The following ZNF660 variants were observed in gnomAD, a reference collection of about 807,000 sequenced individuals.
ZNF660 encodes the protein zinc finger protein 660.
A neutral mutation model predicts 23.2 loss-of-function variants in ZNF660; 24 were observed. That is an observed-to-expected ratio of 1.04 (90% confidence interval 0.75 to 1.46). The LOEUF (loss-of-function observed/expected upper bound fraction) is 1.46. Among genes scored for constraint, ZNF660 ranks in the 40% most tolerant of loss-of-function variants. ZNF660 has a pLI of 0.00. For missense variants in ZNF660, 373 were observed against 396.8 expected (o/e 0.94, Z 0.51); for synonymous variants, 117 against 131.4 (o/e 0.89, Z 0.75).
chr3:44,598,718 C>G lies in ZNF660; in HGVS notation c.*3529C>G, dbSNP rs1312835509. On this transcript the variant is annotated 3_prime_UTR_variant, in exon 3 of 3. Transcript: ENST00000322734. ...AATGTGTTTTCTTCACATTCTTGTT[C>G]CAATGGAAACCGGGCTGTTCCCCAA... The G allele has an allele frequency of 2.0e-5, 3 of 152,166 alleles. No individual in the cohort carries two copies. Among genetic ancestry groups the G allele is most frequent in the Non-Finnish European group, 2.9e-5 (2 of 68,064 alleles). The allele number at this position is 152,166 out of a possible 1,614,324, so 9.4% of individuals were successfully genotyped here.
intron 2 of ZNF660, among the ~76,000 whole-genome samples, chr3:44,589,104 C>T (rs923812832): frequency 3.9e-5 from 6 of 152,148 alleles, no homozygotes; most frequent in African/African-American, 9.7e-5. Context: ...ATTCAACAAA[C>T]GTTTATTGGG....
intron 2 of ZNF660, among the ~76,000 whole-genome samples, chr3:44,593,689 CA>C (rs397874775): frequency 0.011 from 987 of 92,592 alleles, 2 homozygotes; most frequent in African/African-American, 0.02. Context: ...CACTCCATCT[CA>C]AAAAAAAAAA....
Position 44,598,437 on chromosome 3 carries a change from T to C in ZNF660, c.*3248T>C, listed in dbSNP as rs12715402. The C allele has an allele frequency of 0.3, 45,156 of 152,012 alleles. 7,266 individuals are homozygous for C. Among genetic ancestry groups the C allele is most frequent in the African/African-American group, 0.35 (14,408 of 41,414 alleles). 9.4% of individuals were successfully genotyped at this position (152,012 alleles called of 1,614,324 possible). On this transcript the variant is annotated 3_prime_UTR_variant, in exon 3 of 3. Transcript: ENST00000322734. ...TGCTGGGATTATAGGCATGAGCCACTGCACCTGGCTTTATTTATATGTGTA... is the reference window on the plus strand; with the variant it reads ...TGCTGGGATTATAGGCATGAGCCACCGCACCTGGCTTTATTTATATGTGTA...
chr3:44,588,637 G>A (rs1001053902), intron 2 of ZNF660, among the ~76,000 whole-genome samples: 5 of 151,922 alleles, frequency 3.3e-5, no homozygotes, highest in African/African-American at 1.2e-4. Flanking sequence ...GGGACCACAG[G>A]CATATGCCAC....
At chr3:44,588,724 C>A (rs1389008426) in intron 2 of ZNF660, among the ~76,000 whole-genome samples, 1 of 152,114 alleles carries the variant, frequency 6.6e-6, no homozygotes, top group Non-Finnish European at 1.5e-5. Context: ...TCCCACCTCA[C>A]CCTACCAAAG....
chr3:44,592,798 A>G (rs1700473138), intron 2 of ZNF660, among the ~76,000 whole-genome samples: 1 of 152,202 alleles, frequency 6.6e-6, no homozygotes. Context: ...TAACGCCTGT[A>G]ATCCTAGCAC....
chr3:44,594,087 C>A lies in ZNF660; in HGVS notation c.-107C>A. On this transcript the variant is annotated 5_prime_UTR_variant, in exon 3 of 3. Coordinates refer to ENST00000322734, the MANE Select transcript of ZNF660 (RefSeq NM_173658.4). ...GAAAAATCAGAATCATACATACTTT[C>A]AAGAGAATTCCACAGAGACATTGCC... 7.3e-7 allele frequency: 1 copy of A among 1,361,070 alleles called. No homozygotes were observed. Among genetic ancestry groups the A allele is most frequent in the Non-Finnish European group, 1.0e-6 (1 of 960,996 alleles). The allele number at this position is 1,361,070 out of a possible 1,614,324, so 84.3% of individuals were successfully genotyped here. A position where few individuals can be genotyped will look rare whatever the true frequency, so the allele number is the denominator to read the frequency against.
In ZNF660 at chr3:44,599,590, C is replaced by T. The variant is rs1700731749; in HGVS notation, c.*4401C>T. On this transcript the variant is annotated 3_prime_UTR_variant, in exon 3 of 3. Transcript: ENST00000322734. Reference sequence around the variant, plus strand: ...CCATATTGTCAGTTGTTTTTAGTCGCCAGACTGTCTTTAATAGCCTCTGAT... The same window carrying T: ...CCATATTGTCAGTTGTTTTTAGTCGTCAGACTGTCTTTAATAGCCTCTGAT... The T allele has an allele frequency of 6.6e-6, 1 of 152,104 alleles. No individual in the cohort carries two copies. The highest frequency in any genetic ancestry group is 6.5e-5 in the Admixed American group (1 of 15,272). 9.4% of individuals were successfully genotyped at this position (152,104 alleles called of 1,614,324 possible). A position where few individuals can be genotyped will look rare whatever the true frequency, so the allele number is the denominator to read the frequency against.
In ZNF660 at chr3:44,594,169, A is replaced by G; in HGVS notation, c.-25A>G. ...AGGGAAAGAGAAGACTAGAGAGGAC[A>G]CTGGTATGTTCCAAGCAGGAGAAAA... On this transcript the variant is annotated 5_prime_UTR_variant, in exon 3 of 3. Transcript: ENST00000322734. 1 of 1,612,324 alleles carries G rather than the reference A, an allele frequency of 6.2e-7. No homozygotes were observed. The highest frequency in any genetic ancestry group is 8.5e-7 in the Non-Finnish European group (1 of 1,179,402).
At position 44,594,986 on chromosome 3, in the gene ZNF660, CAG is replaced by C. The variant is rs1700564926; in HGVS notation, c.798_799del (p.Arg266SerfsTer9). 5 of 1,613,938 alleles carry C rather than the reference CAG, an allele frequency of 3.1e-6. No homozygotes were observed. The highest frequency in any genetic ancestry group is 2.2e-5 in the East Asian group (1 of 44,844). ...FTSNRNLVDH[Q>X]RVHTGEKPYK... ...TTCTAATCGAAACCTTGTTGATCAT[CAG>C]AGAGTTCACACTGGAGAGAAACCCT... On this transcript the variant is annotated frameshift_variant, in exon 3 of 3. Transcript: ENST00000322734. LOFTEE classifies it high-confidence loss of function.
At chr3:44,587,753 G>T (rs1447024821) in intron 2 of ZNF660, among the ~76,000 whole-genome samples, 1 of 152,162 alleles carries the variant, frequency 6.6e-6, no homozygotes. Flanking sequence ...CTATTCTTGT[G>T]TTGCTGTAAA....
intron 2 of ZNF660, chr3:44,586,602 C>G (rs922864413): frequency 2.0e-5 from 3 of 152,170 alleles, no homozygotes; most frequent in Non-Finnish European, 4.4e-5. Flanking sequence ...AATTTAGTCC[C>G]TGGGATGACT....
chr3:44,594,917 A>C lies in ZNF660; in HGVS notation c.724A>C (p.Arg242=), dbSNP rs760281802. 6.2e-7 allele frequency: 1 copy of C among 1,614,078 alleles called. No homozygotes were observed. Among genetic ancestry groups the C allele is most frequent in the African/African-American group, 1.3e-5 (1 of 75,036 alleles). ...TAATGAACACCAGAGACTTCATCGT[A>C]GAGAGAAACCTTACAAATGTAATGA... is the stretch of plus-strand genomic sequence containing the variant. ...TLNEHQRLHR[R]EKPYKCNECG... The change falls in exon 3 of 3, where the codon AGA becomes CGA. Residue 242 remains arginine, a synonymous_variant. Transcript: ENST00000322734.
rs1700220991 is a variant in ZNF660 at position 44,586,184 on chromosome 3, G to C, written c.-210G>C. On this transcript the variant is annotated 5_prime_UTR_variant, in exon 2 of 3. Coordinates refer to ENST00000322734, the MANE Select transcript of ZNF660 (RefSeq NM_173658.4). ...AAGATCTGTGCTGTGCAGATCCTTTGGATTGAGGCTGCTGTGCACAGGAAT... is the reference window on the plus strand; with the variant it reads ...AAGATCTGTGCTGTGCAGATCCTTTCGATTGAGGCTGCTGTGCACAGGAAT... 1 of 152,214 alleles carries C rather than the reference G, an allele frequency of 6.6e-6. No individual in the cohort carries two copies. The highest frequency in any genetic ancestry group is 2.1e-4 in the South Asian group (1 of 4,828). The allele number at this position is 152,214 out of a possible 1,614,324, so 9.4% of individuals were successfully genotyped here. A position where few individuals can be genotyped will look rare whatever the true frequency, so the allele number is the denominator to read the frequency against.
chr3:44,594,396 A>C lies in ZNF660; in HGVS notation c.203A>C (p.His68Pro), dbSNP rs751958459. 20 of 1,614,186 alleles carry C rather than the reference A, an allele frequency of 1.2e-5. 1 individual carries two copies. The East Asian group carries it at 2.7e-4, about 22-fold the overall frequency. ...AGTCAGAGTGCAAACCTCACAGTAC[A>C]TGAGCGAATCCACACGGGAGAGAAA... ...AFSQSANLTV[H>P]ERIHTGEKPY... The change falls in exon 3 of 3, where the codon CAT (histidine) becomes CCT (proline). Residue 68 changes from histidine (H) to proline (P), a missense_variant. Transcript: ENST00000322734.
chr3:44,586,340 A>G (rs1700224522), intron 2 of ZNF660, 127 bp downstream of exon 2: 1 of 152,262 alleles, frequency 6.6e-6, no homozygotes, highest in Non-Finnish European at 1.5e-5. Context: ...ATCAAACAGG[A>G]GAAAAGCACT....
rs757801394 is a variant in ZNF660 at position 44,594,618 on chromosome 3, C to A, written c.425C>A (p.Ala142Asp). ...TATGAATGTAAAGAGTGTGGGAAAG[C>A]CTTTAGTCGGAGTTCGGGCCTTATA... ...KTYECKECGK[A>D]FSRSSGLISH... Residue 142 changes from alanine to aspartate, a missense_variant, in exon 3 of 3, where the codon GCC becomes GAC. By Grantham distance (126) the Ala-to-Asp change is moderately radical (BLOSUM62 -2). Transcript: ENST00000322734. 6.2e-7 allele frequency: 1 copy of A among 1,613,910 alleles called. No homozygotes were observed. The highest frequency in any genetic ancestry group is 1.1e-5 in the South Asian group (1 of 91,068).
rs1269635502 is a variant in ZNF660, at chr3:44,595,228, T to C, written c.*39T>C. On this transcript the variant is annotated 3_prime_UTR_variant, in exon 3 of 3. Coordinates refer to ENST00000322734, the MANE Select transcript of ZNF660 (RefSeq NM_173658.4). ...TGGGTAGTAGGGCTGACTGCTGCTTTTCTAAAAAGTAGTTCTTTAGTATCA... is the reference window on the plus strand; with the variant it reads ...TGGGTAGTAGGGCTGACTGCTGCTTCTCTAAAAAGTAGTTCTTTAGTATCA... The C allele has an allele frequency of 2.7e-6, 4 of 1,504,758 alleles. No homozygotes were observed. The highest frequency in any genetic ancestry group is 3.5e-6 in the Non-Finnish European group (4 of 1,128,154). The allele number at this position is 1,504,758 out of a possible 1,614,324, so 93.2% of individuals were successfully genotyped here.
chr3:44,596,794 A>G lies in ZNF660; in HGVS notation c.*1605A>G, dbSNP rs1336270346. 6.6e-6 allele frequency: 1 copy of G among 152,232 alleles called. No individual in the cohort carries two copies. The highest frequency in any genetic ancestry group is 1.5e-5 in the Non-Finnish European group (1 of 68,044). The allele number at this position is 152,232 out of a possible 1,614,324, so 9.4% of individuals were successfully genotyped here. A position where few individuals can be genotyped will look rare whatever the true frequency, so the allele number is the denominator to read the frequency against. On this transcript the variant is annotated 3_prime_UTR_variant, in exon 3 of 3. Coordinates refer to ENST00000322734, the MANE Select transcript of ZNF660 (RefSeq NM_173658.4). Reference sequence around the variant, plus strand: ...GTCACTGAGAAAAATCTTTCCCTGAAGAAGGGACGGAGAGGTGTTGAGCAA... The same window carrying G: ...GTCACTGAGAAAAATCTTTCCCTGAGGAAGGGACGGAGAGGTGTTGAGCAA...
Sources: gnomAD v4.1 joint callset for allele counts (sites outside exome capture counted in the v4.1 genomes callset) on GRCh38, gnomAD v4.1.1 for gene constraint, MANE v1.5 for transcripts, NCBI Gene and HGNC (gene_info 2026-07-23, HGNC 2026-07-21) for gene names.